OR2L13: variants seen among roughly 807,000 people sequenced by gnomAD.
OR2L13 encodes the protein olfactory receptor family 2 subfamily L member 13, also known as olfactory receptor 2L13.
OR2L13 carries 14 observed loss-of-function variants against 15.3 expected under a neutral mutation model. The ratio of observed to expected loss-of-function variants is 0.91; its 90% CI spans 0.60 to 1.43. The LOEUF (loss-of-function observed/expected upper bound fraction) is 1.43, where lower values mean the gene tolerates loss of function less well. OR2L13 is among the 40% of genes most tolerant of loss of function. The pLI, the probability that OR2L13 is intolerant of heterozygous loss-of-function variation, is 0.00. For synonymous variants in OR2L13, 152 were observed against 142.9 expected (o/e 1.06, Z -0.45); for missense variants, 367 against 387.9 (o/e 0.95, Z 0.45).
chr1:248,094,190 G>A (rs527336576), upstream of OR2L13, among the ~76,000 whole-genome samples: 74 of 151,908 alleles, frequency 4.9e-4, 3 homozygotes, highest in South Asian at 0.015. Context: ...ATGAATATAT[G>A]CAACCATTAG....
the OR2L13 span, among the ~76,000 whole-genome samples, chr1:248,017,732 G>T: frequency 2.2e-4 from 34 of 152,210 alleles, no homozygotes; most frequent in African/African-American, 7.2e-4. Flanking sequence ...GGCAGAGCTG[G>T]GTTGTAAATT....
the OR2L13 span, among the ~76,000 whole-genome samples, chr1:248,072,190 A>T: frequency 6.6e-6 from 1 of 152,098 alleles, no homozygotes; most frequent in Admixed American, 6.6e-5. Flanking sequence ...AGCCAAAAGA[A>T]CAAAGCTAGA....
the OR2L13 span, among the ~76,000 whole-genome samples, chr1:247,937,992 G>T: frequency 6.6e-6 from 1 of 152,086 alleles, no homozygotes; most frequent in Non-Finnish European, 1.5e-5. Context: ...AGGCATACAT[G>T]AAATATGGTA....
chr1:248,062,781 TTACCCCG>T, the OR2L13 span: 1 of 152,208 alleles, frequency 6.6e-6, no homozygotes, highest in Non-Finnish European at 1.5e-5. Context: ...GAGGTGATGG[TTACCCCG>T]ATTAACCCGA....
the OR2L13 span, among the ~76,000 whole-genome samples, chr1:248,015,479 T>C: frequency 6.6e-6 from 1 of 152,160 alleles, no homozygotes; most frequent in African/African-American, 2.4e-5. Context: ...TTTTAAGGAA[T>C]TCAGGCTGAC....
the OR2L13 span, among the ~76,000 whole-genome samples, chr1:248,006,545 A>G: frequency 6.6e-6 from 1 of 152,106 alleles, no homozygotes; most frequent in Non-Finnish European, 1.5e-5. Flanking sequence ...GGAAGAGTGA[A>G]CATGAAGTGA....
chr1:247,949,391 T>A, the OR2L13 span: 2 of 1,614,202 alleles, frequency 1.2e-6, no homozygotes, highest in Admixed American at 1.7e-5. Flanking sequence ...ATTTCTTCTG[T>A]GATGTCCCAG....
chr1:248,015,692 T>G, the OR2L13 span, among the ~76,000 whole-genome samples: 1 of 152,150 alleles, frequency 6.6e-6, no homozygotes, highest in Admixed American at 6.6e-5. Context: ...TGGCTTGGAT[T>G]TTGGAGGCTT....
chr1:248,023,377 G>C, the OR2L13 span: 2 of 152,166 alleles, frequency 1.3e-5, no homozygotes, highest in African/African-American at 4.8e-5. Flanking sequence ...AAGTATGTCT[G>C]GGGTGAAGCC....
chr1:247,993,005 C>T, the OR2L13 span, among the ~76,000 whole-genome samples: 1 of 151,966 alleles, frequency 6.6e-6, no homozygotes, highest in East Asian at 1.9e-4. Flanking sequence ...TATAAGAATT[C>T]CCTTTTCTCT....
chr1:247,944,054 C>T, the OR2L13 span, among the ~76,000 whole-genome samples: 1 of 152,020 alleles, frequency 6.6e-6, no homozygotes, highest in East Asian at 1.9e-4. Context: ...TGGCTTTGTG[C>T]CAGTGCCACA....
chr1:248,066,463 G>A, the OR2L13 span, among the ~76,000 whole-genome samples: 4 of 152,044 alleles, frequency 2.6e-5, no homozygotes, highest in African/African-American at 7.2e-5. Flanking sequence ...GAAAAAATAG[G>A]CAATTATTTT....
At chr1:248,081,505 T>C in the OR2L13 span, among the ~76,000 whole-genome samples, 3 of 152,160 alleles carry the variant, frequency 2.0e-5, no homozygotes, top group Non-Finnish European at 4.4e-5. Flanking sequence ...TAGCTCAATA[T>C]GTTTTAAAAT....
chr1:247,984,805 G>C, the OR2L13 span, among the ~76,000 whole-genome samples: 1 of 151,990 alleles, frequency 6.6e-6, no homozygotes, highest in Admixed American at 6.6e-5. Context: ...TTATGTTGTT[G>C]TGCAACCATC....
At chr1:248,016,308 G>C in the OR2L13 span, among the ~76,000 whole-genome samples, 3 of 152,116 alleles carry the variant, frequency 2.0e-5, no homozygotes, top group Admixed American at 1.3e-4. Context: ...GATTACATGG[G>C]TATTTTTTTT....
At chr1:248,014,751 C>G in the OR2L13 span, among the ~76,000 whole-genome samples, 1 of 152,130 alleles carries the variant, frequency 6.6e-6, no homozygotes, top group Non-Finnish European at 1.5e-5. Context: ...TACACGGTCA[C>G]TATGTCACAG....
At chr1:248,042,468 C>G in the OR2L13 span, among the ~76,000 whole-genome samples, 1 of 151,850 alleles carries the variant, frequency 6.6e-6, no homozygotes, top group East Asian at 1.9e-4. Context: ...AAATAACCTG[C>G]ACATTGTGCA....
chr1:247,949,463 C>T, the OR2L13 span: 1 of 1,594,122 alleles, frequency 6.3e-7, no homozygotes, highest in African/African-American at 1.3e-5. Flanking sequence ...TTTTGAGTGC[C>T]ACCATCTTTC....
At chr1:248,073,006 G>C in the OR2L13 span, among the ~76,000 whole-genome samples, 1 of 10,346 alleles carries the variant, frequency 9.7e-5, no homozygotes, top group Non-Finnish European at 3.3e-3. Flanking sequence ...GGAGAAATAG[G>C]AACACTTTTA....
Sources: gnomAD v4.1 joint callset for allele counts (sites outside exome capture counted in the v4.1 genomes callset) on GRCh38, gnomAD v4.1.1 for gene constraint, MANE v1.5 for transcripts, NCBI Gene and HGNC (gene_info 2026-07-23, HGNC 2026-07-21) for gene names.